ASAP1: variants seen among roughly 807,000 people sequenced by gnomAD.
The protein encoded by ASAP1 is arf-GAP with SH3 domain, ANK repeat and PH domain-containing protein 1.
In ASAP1, 43 loss-of-function variants were observed where a neutral mutation model predicts 145.2. That is an observed-to-expected ratio of 0.30 (90% CI 0.23 to 0.38). ASAP1 has a LOEUF of 0.38. Among genes scored for constraint, ASAP1 ranks in the 10% least tolerant of loss-of-function variants. The pLI, the probability that ASAP1 is intolerant of heterozygous loss-of-function variation, is 1.00. For synonymous variants in ASAP1, 546 were observed against 515.5 expected, an observed-to-expected ratio of 1.06 and a Z score of -0.80; for missense variants, 1,018 against 1,355.3, an observed-to-expected ratio of 0.75 and a Z score of 3.91.
intron 5 of ASAP1, among the ~76,000 whole-genome samples, chr8:130,197,218 A>C (rs1190924777): frequency 6.6e-6 from 1 of 152,254 alleles, no homozygotes; most frequent in African/African-American, 2.4e-5. Flanking sequence ...GCTTGAGTTC[A>C]GGAGTTCGAG....
chr8:130,382,206 AAC>A (rs1827803372), intron 2 of ASAP1, among the ~76,000 whole-genome samples: 1 of 148,000 alleles, frequency 6.8e-6, no homozygotes, highest in African/African-American at 2.5e-5. Context: ...GAATGGTGTG[AAC>A]CCAGGAGGCG....
intron 3 of ASAP1, among the ~76,000 whole-genome samples, chr8:130,266,402 G>A (rs537125841): frequency 7.2e-5 from 11 of 151,940 alleles, no homozygotes; most frequent in Non-Finnish European, 1.5e-4. Flanking sequence ...GTTGTAGGGG[G>A]GAGGGTTCTG....
chr8:130,256,759 A>ATATG, intron 3 of ASAP1, among the ~76,000 whole-genome samples: 1 of 95,740 alleles, frequency 1.0e-5, no homozygotes, highest in Admixed American at 9.5e-5. Flanking sequence ...ATATATATAT[A>ATATG]TATATATATA....
At chr8:130,061,707 T>C (rs1054978107) in intron 27 of ASAP1, among the ~76,000 whole-genome samples, 3 of 152,238 alleles carry the variant, frequency 2.0e-5, no homozygotes, top group Non-Finnish European at 2.9e-5. Flanking sequence ...GCGTGTGCTA[T>C]GTCTTTTAAA....
intron 3 of ASAP1, among the ~76,000 whole-genome samples, chr8:130,246,182 C>CG (rs1369836732): frequency 2.0e-5 from 2 of 102,032 alleles, no homozygotes; most frequent in Non-Finnish European, 4.8e-5. Flanking sequence ...CTCCCCTTCG[C>CG]CCCCCCATGG....
chr8:130,162,605 T>G (rs943930037), intron 11 of ASAP1, among the ~76,000 whole-genome samples: 1 of 151,882 alleles, frequency 6.6e-6, no homozygotes, highest in Non-Finnish European at 1.5e-5. Context: ...GATCATGAGG[T>G]CAGGAGATCG....
intron 3 of ASAP1, among the ~76,000 whole-genome samples, chr8:130,297,384 G>A (rs1360928599): frequency 6.6e-6 from 1 of 152,200 alleles, no homozygotes; most frequent in African/African-American, 2.4e-5. Context: ...ACGTTTGGCT[G>A]AAGAAAATCC....
chr8:130,330,829 C>T (rs1824639733), intron 3 of ASAP1, among the ~76,000 whole-genome samples: 2 of 152,064 alleles, frequency 1.3e-5, no homozygotes, highest in East Asian at 1.9e-4. Context: ...ATAAAAATGC[C>T]CCGAGCTGAA....
In ASAP1 at chr8:130,339,521, G is replaced by C. The variant is rs1351311113; in HGVS notation, c.186+18496C>G. 4.6e-5 allele frequency among the ~76,000 whole-genome samples: 7 copies of C among 152,208 alleles called. No individual in the cohort carries two copies. The East Asian group carries it at 1.4e-3, about 29-fold the overall frequency. The stretch of plus-strand genomic sequence containing the variant: ...AGGAGCTATCACAAGATTCAACATG[G>C]GGTAAGTCTCCTCCACTTGAAGGCA... On this transcript the variant is annotated intron_variant, in intron 3 of 29. Coordinates refer to ENST00000518721, the MANE Select transcript of ASAP1 (RefSeq NM_018482.4).
intron 3 of ASAP1, among the ~76,000 whole-genome samples, chr8:130,324,762 G>A (rs185018370): frequency 1.3e-3 from 199 of 152,284 alleles, no homozygotes; most frequent in African/African-American, 4.5e-3. Context: ...GACAGTTAAG[G>A]TTCTTGTAAT....
chr8:130,092,271 A>AT, intron 24 of ASAP1, 128 bp from the exon 25 acceptor site: 1 of 994,002 alleles, frequency 1.0e-6, no homozygotes. Context: ...AAAAGGCTGG[A>AT]TATGGCTAAC....
At chr8:130,199,173 G>A (rs542137269) in intron 5 of ASAP1, among the ~76,000 whole-genome samples, 31 of 152,276 alleles carry the variant, frequency 2.0e-4, no homozygotes, top group Admixed American at 1.5e-3. Flanking sequence ...ACAATTATCC[G>A]TGTGTTCCTT....
At chr8:130,136,809 T>G in intron 14 of ASAP1, 142 bp downstream of exon 14, 2 of 716,144 alleles carry the variant, frequency 2.8e-6, no homozygotes, top group South Asian at 3.4e-5. Context: ...TGGGGCATCT[T>G]CCTAGAGCAG....
chr8:130,316,223 G>A (rs1210126426), intron 3 of ASAP1, among the ~76,000 whole-genome samples: 1 of 152,132 alleles, frequency 6.6e-6, no homozygotes, highest in Admixed American at 6.5e-5. Flanking sequence ...TTTCTCTACT[G>A]AGCTCCAGGA....
chr8:130,270,101 C>T (rs995214356), intron 3 of ASAP1, among the ~76,000 whole-genome samples: 1 of 152,182 alleles, frequency 6.6e-6, no homozygotes, highest in Admixed American at 6.5e-5. Flanking sequence ...ACTTGGGAGG[C>T]AGATGCTGTA....
At chr8:130,103,627 C>T (rs144317024) in intron 24 of ASAP1, among the ~76,000 whole-genome samples, 2,849 of 152,242 alleles carry the variant, frequency 0.019, 91 homozygotes, top group African/African-American at 0.064. Context: ...CTCAGCCTCC[C>T]GAGTAGCTGG....
At chr8:130,409,809 T>G (rs779655342) in intron 1 of ASAP1, among the ~76,000 whole-genome samples, 1 of 152,206 alleles carries the variant, frequency 6.6e-6, no homozygotes, top group Non-Finnish European at 1.5e-5. Flanking sequence ...AACCACTGTC[T>G]TGCTGGATTA....
At position 130,396,140 on chromosome 8, in the gene ASAP1, G is replaced by A. The variant is rs189180273; in HGVS notation, c.59+5745C>T. Among the ~76,000 whole-genome samples the A allele has an allele frequency of 1.7e-3, 260 of 152,230 alleles. 1 individual carries two copies. The highest frequency in any genetic ancestry group is 6.2e-3 in the African/African-American group (257 of 41,542). On this transcript the variant is annotated intron_variant, in intron 2 of 29. Transcript: ENST00000518721. ...GCACTTAGTAGGTCGTCAGAAAAGT[G>A]ATCAAAAAATAAAGTATACATGTAG...
chr8:130,274,501 T>A (rs774235146), intron 3 of ASAP1, among the ~76,000 whole-genome samples: 40 of 152,216 alleles, frequency 2.6e-4, no homozygotes, highest in Non-Finnish European at 4.9e-4. Flanking sequence ...GACCACTCGA[T>A]CTACCTTAAA....
Sources: allele counts gnomAD v4.1 joint callset (sites outside exome capture counted in the v4.1 genomes callset), GRCh38; gene constraint gnomAD v4.1.1; transcripts MANE v1.5; gene names NCBI Gene and HGNC (gene_info 2026-07-23, HGNC 2026-07-21).